CCDC146: variants seen among roughly 807,000 people sequenced by gnomAD.
CCDC146 encodes coiled-coil domain-containing protein 146.
A neutral mutation model predicts 119.3 loss-of-function variants in CCDC146; 92 were observed. That is an observed-to-expected ratio of 0.77 (90% CI 0.65 to 0.92). The LOEUF (loss-of-function observed/expected upper bound fraction) is 0.92, where lower values mean the gene tolerates loss of function less well. Among genes scored for constraint, CCDC146 ranks in the 40% least tolerant of loss-of-function variants. The pLI is 0.00. For synonymous variants in CCDC146, 372 were observed against 371.8 expected (o/e 1.00, Z -0.01); for missense variants, 1,000 against 1,103.0 (o/e 0.91, Z 1.32).
intron 9 of CCDC146, among the ~76,000 whole-genome samples, chr7:77,267,394 A>G (rs1467113488): frequency 2.0e-5 from 3 of 151,972 alleles, no homozygotes; most frequent in Non-Finnish European, 2.9e-5. Flanking sequence ...TTGTCCATGT[A>G]TTTCCCATTC....
chr7:77,273,544 A>G (rs1793567077), intron 9 of CCDC146, 150 bp from the exon 10 acceptor site: 1 of 345,988 alleles, frequency 2.9e-6, no homozygotes, highest in Non-Finnish European at 5.3e-6. Flanking sequence ...ATTTTCAGAC[A>G]GAGTCTCACT....
At chr7:77,165,229 G>A (rs1163495274) in intron 1 of CCDC146, among the ~76,000 whole-genome samples, 5 of 151,876 alleles carry the variant, frequency 3.3e-5, no homozygotes, top group South Asian at 2.1e-4. Flanking sequence ...TACAAGGCCA[G>A]CTTCAGCCTC....
intron 1 of CCDC146, among the ~76,000 whole-genome samples, chr7:77,142,683 C>G (rs879881762): frequency 9.3e-5 from 14 of 151,196 alleles, no homozygotes; most frequent in Non-Finnish European, 1.8e-4. Context: ...TTTGTTCTTG[C>G]GATAGTTTGC....
intron 7 of CCDC146, among the ~76,000 whole-genome samples, chr7:77,259,559 A>T (rs1489017740): frequency 1.3e-5 from 2 of 152,224 alleles, no homozygotes; most frequent in African/African-American, 2.4e-5. Context: ...TAAAGATTTT[A>T]AGTGAAGATA....
At chr7:77,205,500 G>A (rs866846536) in intron 2 of CCDC146, among the ~76,000 whole-genome samples, 40 of 152,360 alleles carry the variant, frequency 2.6e-4, no homozygotes, top group African/African-American at 9.1e-4. Flanking sequence ...GCTCAGGCCT[G>A]TAATCCCAAC....
intron 2 of CCDC146, among the ~76,000 whole-genome samples, chr7:77,227,597 G>T (rs773338529): frequency 6.6e-6 from 1 of 152,190 alleles, no homozygotes; most frequent in Admixed American, 6.5e-5. Flanking sequence ...GAGCCACGGC[G>T]CCTGGCCACC....
intron 6 of CCDC146, 43 bp from the exon 7 acceptor site, chr7:77,258,951 AG>A: frequency 7.6e-7 from 1 of 1,308,768 alleles, no homozygotes; most frequent in Non-Finnish European, 1.1e-6. Context: ...AATTGCTTCT[AG>A]CCGAAGACCG....
intron 2 of CCDC146, among the ~76,000 whole-genome samples, chr7:77,225,708 C>T (rs990253226): frequency 2.0e-5 from 3 of 152,026 alleles, no homozygotes; most frequent in Non-Finnish European, 2.9e-5. Flanking sequence ...TTTGGGAGGC[C>T]GAGGTGGGTG....
In CCDC146 at chr7:77,227,391, C is replaced by T. The variant is rs1792534735; in HGVS notation, c.157-9556C>T. On this transcript the variant is annotated intron_variant, in intron 2 of 18. Transcript: ENST00000285871. ...TGCAATCTCGGCTCACTGCAAGCTCCACTTCCTGGGTTCATGCCATTCTCC... is the reference window on the plus strand; with the variant it reads ...TGCAATCTCGGCTCACTGCAAGCTCTACTTCCTGGGTTCATGCCATTCTCC... Among the ~76,000 whole-genome samples the T allele has an allele frequency of 3.3e-5, 5 of 152,298 alleles. No homozygotes were observed. In the South Asian group the frequency reaches 8.3e-4, roughly 25 times the overall value.
chr7:77,224,908 T>C (rs1349874827), intron 2 of CCDC146, among the ~76,000 whole-genome samples: 1 of 152,042 alleles, frequency 6.6e-6, no homozygotes, highest in Non-Finnish European at 1.5e-5. Flanking sequence ...TTACTACAGG[T>C]TGCTGAGTGA....
At chr7:77,243,430 A>C (rs1177613543) in intron 4 of CCDC146, among the ~76,000 whole-genome samples, 1 of 152,232 alleles carries the variant, frequency 6.6e-6, no homozygotes, top group Non-Finnish European at 1.5e-5. Flanking sequence ...GCTCAAGAAC[A>C]AGCTTATTTT....
At chr7:77,175,632 T>C (rs1791489296) in intron 2 of CCDC146, among the ~76,000 whole-genome samples, 1 of 151,332 alleles carries the variant, frequency 6.6e-6, no homozygotes, top group African/African-American at 2.5e-5. Context: ...TTCAGTTGCA[T>C]GTCAGATTTG....
intron 1 of CCDC146, among the ~76,000 whole-genome samples, chr7:77,135,392 A>G (rs373865845): frequency 7.9e-5 from 12 of 152,114 alleles, no homozygotes; most frequent in African/African-American, 2.7e-4. Context: ...GGAGGCTAAG[A>G]TGGGAAGACT....
intron 18 of CCDC146, 109 bp downstream of exon 18, chr7:77,293,309 CACAGTCCCA>C: frequency 3.5e-6 from 4 of 1,146,168 alleles, no homozygotes; most frequent in Non-Finnish European, 5.0e-6. Flanking sequence ...CTCTACCACA[CACAGTCCCA>C]ACAGTCGTTA....
intron 1 of CCDC146, among the ~76,000 whole-genome samples, chr7:77,152,537 A>G (rs1372017447): frequency 1.3e-5 from 2 of 152,168 alleles, no homozygotes; most frequent in Non-Finnish European, 2.9e-5. Context: ...CTTAGAGTTG[A>G]CTTGTATTCT....
At chr7:77,140,533 G>A (rs558186752) in intron 1 of CCDC146, among the ~76,000 whole-genome samples, 1 of 152,270 alleles carries the variant, frequency 6.6e-6, no homozygotes, top group Non-Finnish European at 1.5e-5. Flanking sequence ...TAGAGAGGAA[G>A]GAAACTGTCT....
intron 2 of CCDC146, among the ~76,000 whole-genome samples, chr7:77,228,138 C>T (rs1428273239): frequency 1.3e-5 from 2 of 152,142 alleles, no homozygotes; most frequent in Non-Finnish European, 2.9e-5. Flanking sequence ...GTTAATGTGG[C>T]ATTATTTCTA....
intron 2 of CCDC146, among the ~76,000 whole-genome samples, chr7:77,179,939 TCTC>T (rs1791557221): frequency 6.6e-6 from 1 of 152,174 alleles, no homozygotes; most frequent in South Asian, 2.1e-4. Flanking sequence ...ATACAGTATT[TCTC>T]TTTTTATGAA....
intron 14 of CCDC146, among the ~76,000 whole-genome samples, chr7:77,281,188 GTTGC>G (rs1793758250): frequency 6.6e-6 from 1 of 152,002 alleles, no homozygotes; most frequent in East Asian, 1.9e-4. Context: ...GTTTGGGAAA[GTTGC>G]TTGCTTTTGA....
Sources: gnomAD v4.1 joint callset for allele counts (sites outside exome capture counted in the v4.1 genomes callset) on GRCh38, gnomAD v4.1.1 for gene constraint, MANE v1.5 for transcripts, NCBI Gene and HGNC (gene_info 2026-07-23, HGNC 2026-07-21) for gene names.